The following GRAMD2B variants were observed in gnomAD, a reference collection of about 807,000 sequenced individuals.
GRAMD2B encodes GRAM domain-containing protein 2B.
A neutral mutation model predicts 59.2 loss-of-function variants in GRAMD2B; 41 were observed. The ratio of observed to expected loss-of-function variants is 0.69; its 90% CI spans 0.54 to 0.90. GRAMD2B has a LOEUF of 0.90. Ranked by LOEUF, GRAMD2B falls within the 40% of genes least tolerant of loss-of-function variation. GRAMD2B has a pLI of 0.00. For missense variants in GRAMD2B, 424 were observed against 500.5 expected (o/e 0.85, Z 1.46); for synonymous variants, 161 against 182.7 (o/e 0.88, Z 0.96).
intron 1 of GRAMD2B, among the ~76,000 whole-genome samples, chr5:126,438,682 T>C (rs1762797933): frequency 2.0e-5 from 3 of 152,112 alleles, no homozygotes; most frequent in Admixed American, 1.3e-4. Context: ...TAAAGACTGG[T>C]ATTTTTTTCC....
chr5:126,465,193 C>G, intron 1 of GRAMD2B: 1 of 1,378,256 alleles, frequency 7.3e-7, no homozygotes, highest in South Asian at 1.5e-5. Flanking sequence ...AGCAAGTCCA[C>G]ACAGTCTGGC....
chr5:126,406,740 A>C (rs1178790730), intron 1 of GRAMD2B, among the ~76,000 whole-genome samples: 3 of 152,002 alleles, frequency 2.0e-5, no homozygotes, highest in African/African-American at 7.2e-5. Context: ...CATAGCTGGG[A>C]GCTTCAAAGA....
intron 1 of GRAMD2B, among the ~76,000 whole-genome samples, chr5:126,400,617 C>T (rs974796401): frequency 3.9e-5 from 6 of 152,060 alleles, no homozygotes; most frequent in Non-Finnish European, 7.4e-5. Context: ...GAAGAATGCC[C>T]TTTACTTTTC....
upstream of GRAMD2B, among the ~76,000 whole-genome samples, chr5:126,369,308 TC>T: frequency 6.7e-6 from 1 of 150,282 alleles, no homozygotes; most frequent in South Asian, 2.1e-4. Flanking sequence ...ATGAATGAAT[TC>T]CAGCATGACC....
At chr5:126,444,985 A>G (rs116369326) in intron 1 of GRAMD2B, among the ~76,000 whole-genome samples, 3,042 of 152,298 alleles carry the variant, frequency 0.02, 92 homozygotes, top group African/African-American at 0.064. Flanking sequence ...GCCGAGAATG[A>G]TGGCTTCCAG....
chr5:126,405,756 C>T (rs2149746836), intron 1 of GRAMD2B, among the ~76,000 whole-genome samples: 1 of 151,206 alleles, frequency 6.6e-6, no homozygotes, highest in African/African-American at 2.4e-5. Context: ...ACACCGTTTG[C>T]TTTTCTTGGT....
intron 1 of GRAMD2B, among the ~76,000 whole-genome samples, chr5:126,460,443 A>C (rs1415574192): frequency 6.6e-6 from 1 of 152,256 alleles, no homozygotes; most frequent in Non-Finnish European, 1.5e-5. Context: ...ATGGAAGATC[A>C]TTCTTCTTGA....
upstream of GRAMD2B, among the ~76,000 whole-genome samples, chr5:126,367,087 T>A (rs1012903266): frequency 9.2e-5 from 14 of 151,820 alleles, no homozygotes; most frequent in African/African-American, 3.4e-4. Flanking sequence ...GAACTCTTTA[T>A]CTCAGGTGAT....
At chr5:126,455,586 G>A (rs1181303365) in intron 1 of GRAMD2B, among the ~76,000 whole-genome samples, 1 of 152,300 alleles carries the variant, frequency 6.6e-6, no homozygotes, top group East Asian at 1.9e-4. Flanking sequence ...AATAATCATT[G>A]TATAACTACA....
intron 13 of GRAMD2B, among the ~76,000 whole-genome samples, chr5:126,490,999 T>A (rs781276407): frequency 6.6e-6 from 1 of 152,200 alleles, no homozygotes; most frequent in Non-Finnish European, 1.5e-5. Flanking sequence ...TCCTAGTCCA[T>A]TCAGCCTTCC....
chr5:126,409,096 A>G (rs1022647799), intron 1 of GRAMD2B, among the ~76,000 whole-genome samples: 2 of 151,478 alleles, frequency 1.3e-5, no homozygotes, highest in Non-Finnish European at 2.9e-5. Context: ...TCATTGTTGG[A>G]CATTTGGGTT....
intron 1 of GRAMD2B, among the ~76,000 whole-genome samples, chr5:126,425,822 G>A (rs372295520): frequency 4.0e-4 from 61 of 152,242 alleles, no homozygotes; most frequent in African/African-American, 1.4e-3. Context: ...CATAGAAATA[G>A]AGAGTAGAAT....
chr5:126,383,111 T>C (rs2149707116), intron 1 of GRAMD2B, among the ~76,000 whole-genome samples: 1 of 152,322 alleles, frequency 6.6e-6, no homozygotes, highest in Non-Finnish European at 1.5e-5. Context: ...GGGAGTGAAG[T>C]AAACTCCGTG....
At chr5:126,367,586 C>T (rs560848620), upstream of GRAMD2B, among the ~76,000 whole-genome samples, 3 of 152,232 alleles carry the variant, frequency 2.0e-5, no homozygotes, top group South Asian at 4.2e-4. Context: ...TTATGGAATC[C>T]AGAATGCTCG....
At chr5:126,403,779 T>C (rs1372789319) in intron 1 of GRAMD2B, among the ~76,000 whole-genome samples, 5 of 151,896 alleles carry the variant, frequency 3.3e-5, no homozygotes, top group Non-Finnish European at 7.4e-5. Context: ...AACATAAAAG[T>C]CTCTAAACTT....
upstream of GRAMD2B, among the ~76,000 whole-genome samples, chr5:126,366,948 G>A (rs745545425): frequency 2.0e-5 from 3 of 150,184 alleles, no homozygotes; most frequent in African/African-American, 7.4e-5. Flanking sequence ...TCCGCCTTCC[G>A]GATCCAAGCG....
In GRAMD2B at chr5:126,484,404, T is replaced by G; in HGVS notation, c.850T>G (p.Phe284Val). 2 of 1,613,036 alleles carry G rather than the reference T, an allele frequency of 1.2e-6. No homozygotes were observed. Among genetic ancestry groups the G allele is most frequent in the Non-Finnish European group, 1.7e-6 (2 of 1,179,708 alleles). Residue 284 changes from phenylalanine to valine, a missense_variant and splice_region_variant, in exon 10 of 14, where the codon TTC becomes GTC. Physicochemically the swap from Phe to Val is conservative, Grantham distance 50. Coordinates refer to ENST00000285689, the MANE Select transcript of GRAMD2B (RefSeq NM_023927.4). Reference sequence around the variant, plus strand: ...CCAGCTCTGTTTTGGCTTAGTAGATTTCCATGCGACAGAATCCCAAACAGT... The same window carrying G: ...CCAGCTCTGTTTTGGCTTAGTAGATGTCCATGCGACAGAATCCCAAACAGT... ...QTPESENSRD[F>V]HATESQTVLN...
rs117478533 is a variant in GRAMD2B at position 126,430,722 on chromosome 5, G to A, written c.83+7033G>A. ...GAAAAAGAAAAGAAAGGGCTTTCAT[G>A]TAGCAAAAGAAACAAGATTGTAAGC... On this transcript the variant is annotated intron_variant, in intron 1 of 13. Coordinates refer to ENST00000285689, the MANE Select transcript of GRAMD2B (RefSeq NM_023927.4). Among the ~76,000 whole-genome samples, 418 of 152,256 alleles carry A rather than the reference G, an allele frequency of 2.7e-3. 23 individuals carry two copies. In the East Asian group the frequency reaches 0.072, roughly 26 times the overall value.
chr5:126,413,934 A>G (rs73783658), intron 1 of GRAMD2B, among the ~76,000 whole-genome samples: 3,840 of 152,260 alleles, frequency 0.025, 163 homozygotes, highest in African/African-American at 0.086. Context: ...TCACTTGTCC[A>G]ACGTAGTAAA....
Sources: allele counts gnomAD v4.1 joint callset (sites outside exome capture counted in the v4.1 genomes callset), GRCh38; gene constraint gnomAD v4.1.1; transcripts MANE v1.5; gene names NCBI Gene and HGNC (gene_info 2026-07-23, HGNC 2026-07-21).